The following PPARGC1A variants were observed in gnomAD, a reference collection of about 807,000 sequenced individuals.
PPARGC1A encodes the protein peroxisome proliferator-activated receptor gamma coactivator 1-alpha.
A neutral mutation model predicts 88.7 loss-of-function variants in PPARGC1A; 25 were observed. The ratio of observed to expected loss-of-function variants is 0.28; its 90% CI spans 0.21 to 0.39. PPARGC1A has a LOEUF of 0.39. PPARGC1A is among the 10% of genes least tolerant of loss of function. PPARGC1A has a pLI of 1.00. For missense variants in PPARGC1A, 880 were observed against 968.7 expected (o/e 0.91, Z 1.22); for synonymous variants, 363 against 355.6 (o/e 1.02, Z -0.24).
chr4:24,280,547 A>C, the PPARGC1A span, among the ~76,000 whole-genome samples: 3 of 152,292 alleles, frequency 2.0e-5, no homozygotes, highest in Admixed American at 6.5e-5. Context: ...GCAGAGAAAG[A>C]GAAGGGAAGG....
the PPARGC1A span, among the ~76,000 whole-genome samples, chr4:24,241,885 G>T: frequency 6.6e-6 from 1 of 152,150 alleles, no homozygotes; most frequent in Non-Finnish European, 1.5e-5. Context: ...TTCTGTATGT[G>T]GTTGAATATT....
chr4:24,114,695 A>G, the PPARGC1A span, among the ~76,000 whole-genome samples: 1 of 152,200 alleles, frequency 6.6e-6, no homozygotes, highest in African/African-American at 2.4e-5. Context: ...GTGACTTTGC[A>G]CCTCAAGTTT....
chr4:24,013,878 T>A, the PPARGC1A span, among the ~76,000 whole-genome samples: 3 of 152,094 alleles, frequency 2.0e-5, no homozygotes, highest in Non-Finnish European at 2.9e-5. Context: ...GGACCAAGTT[T>A]CCCTCATCAA....
chr4:23,973,000 A>G, the PPARGC1A span, among the ~76,000 whole-genome samples: 1 of 152,152 alleles, frequency 6.6e-6, no homozygotes, highest in Admixed American at 6.5e-5. Flanking sequence ...TAACTGCATT[A>G]TTATTCAATT....
chr4:24,261,672 A>G, the PPARGC1A span, among the ~76,000 whole-genome samples: 2 of 152,174 alleles, frequency 1.3e-5, no homozygotes, highest in East Asian at 3.9e-4. Flanking sequence ...AGTAAACACC[A>G]CTTTTGTGAA....
the PPARGC1A span, among the ~76,000 whole-genome samples, chr4:24,221,841 A>T: frequency 6.6e-6 from 1 of 152,142 alleles, no homozygotes; most frequent in Non-Finnish European, 1.5e-5. Context: ...AACTAGCTAA[A>T]ATGATTTGGT....
chr4:24,305,939 A>G, the PPARGC1A span, among the ~76,000 whole-genome samples: 1 of 152,342 alleles, frequency 6.6e-6, no homozygotes, highest in South Asian at 2.1e-4. Context: ...GGGTTTGTAC[A>G]ACATCTGAAG....
At chr4:24,407,340 C>T in the PPARGC1A span, among the ~76,000 whole-genome samples, 1 of 152,172 alleles carries the variant, frequency 6.6e-6, no homozygotes, top group African/African-American at 2.4e-5. Flanking sequence ...AAACAAGTAG[C>T]ACTAACATGA....
chr4:24,417,017 G>A, the PPARGC1A span, among the ~76,000 whole-genome samples: 5 of 140,390 alleles, frequency 3.6e-5, no homozygotes, highest in African/African-American at 1.1e-4. Flanking sequence ...GCAACAGAGC[G>A]AGATTCCATC....
At chr4:24,222,074 T>G in the PPARGC1A span, among the ~76,000 whole-genome samples, 1 of 152,136 alleles carries the variant, frequency 6.6e-6, no homozygotes, top group African/African-American at 2.4e-5. Flanking sequence ...AGGGACCATC[T>G]CCAAGGGCAA....
chr4:23,797,719 A>G (rs78180269), intron 12 of PPARGC1A, among the ~76,000 whole-genome samples: 2 of 61,108 alleles, frequency 3.3e-5, no homozygotes, highest in African/African-American at 1.1e-4. Context: ...AACCAAAAAT[A>G]TTTTTTGTTG....
chr4:23,975,289 T>C, the PPARGC1A span, among the ~76,000 whole-genome samples: 14 of 152,206 alleles, frequency 9.2e-5, no homozygotes, highest in African/African-American at 3.1e-4. Context: ...TGCCTACAGT[T>C]TGTTGGGTGG....
At chr4:24,408,914 G>C in the PPARGC1A span, among the ~76,000 whole-genome samples, 2 of 152,090 alleles carry the variant, frequency 1.3e-5, no homozygotes, top group African/African-American at 2.4e-5. Flanking sequence ...ATGCAGAAAA[G>C]GTAATCAGAA....
chr4:23,978,961 T>G, the PPARGC1A span, among the ~76,000 whole-genome samples: 1 of 151,924 alleles, frequency 6.6e-6, no homozygotes, highest in African/African-American at 2.4e-5. Context: ...ATATGCAACA[T>G]AGAAACAAGT....
At chr4:24,001,134 C>T in the PPARGC1A span, among the ~76,000 whole-genome samples, 1 of 152,082 alleles carries the variant, frequency 6.6e-6, no homozygotes, top group Non-Finnish European at 1.5e-5. Flanking sequence ...AAAGGAAAAT[C>T]CATATATCAT....
the PPARGC1A span, among the ~76,000 whole-genome samples, chr4:24,246,903 A>C: frequency 6.6e-6 from 1 of 152,136 alleles, no homozygotes. Context: ...ATTGCAATAC[A>C]CATGTTGGGT....
intron 2 of PPARGC1A, chr4:23,879,934 G>A (rs1338587055): frequency 1.4e-5 from 2 of 147,550 alleles, no homozygotes; most frequent in African/African-American, 5.3e-5. Flanking sequence ...TTTACTTTGA[G>A]TAAACCAAGC....
the PPARGC1A span, among the ~76,000 whole-genome samples, chr4:24,057,004 T>C: frequency 1.3e-5 from 2 of 152,222 alleles, no homozygotes; most frequent in Non-Finnish European, 2.9e-5. Context: ...TCTTTACACC[T>C]GTGTTTACAG....
At chr4:24,008,990 C>G in the PPARGC1A span, among the ~76,000 whole-genome samples, 1 of 152,080 alleles carries the variant, frequency 6.6e-6, no homozygotes. Context: ...CTCTCCTCAA[C>G]TCTCCCACCA....
Sources: allele counts gnomAD v4.1 joint callset (sites outside exome capture counted in the v4.1 genomes callset), GRCh38; gene constraint gnomAD v4.1.1; transcripts MANE v1.5; gene names NCBI Gene and HGNC (gene_info 2026-07-23, HGNC 2026-07-21).